ODAD4: variants seen among roughly 807,000 people sequenced by gnomAD.
ODAD4 encodes outer dynein arm-docking complex subunit 4.
ODAD4 carries 49 observed loss-of-function variants against 51.8 expected under a neutral mutation model. The ratio of observed to expected loss-of-function variants is 0.95; its 90% CI spans 0.75 to 1.20. ODAD4 has a LOEUF of 1.20. ODAD4 is among the 50% of genes most tolerant of loss of function. The probability of loss-of-function intolerance (pLI) is 0.00; values close to 1 mark genes in which losing one functional copy is unlikely to be tolerated. For synonymous variants in ODAD4, 235 were observed against 221.3 expected, an observed-to-expected ratio of 1.06 and a Z score of -0.55; for missense variants, 590 against 586.5, an observed-to-expected ratio of 1.01 and a Z score of -0.06.
At chr17:41,940,824 T>C (rs1198002738) in intron 7 of ODAD4, among the ~76,000 whole-genome samples, 10 of 152,238 alleles carry the variant, frequency 6.6e-5, no homozygotes, top group African/African-American at 2.4e-4. Flanking sequence ...GCCTCAGACC[T>C]GTGTGTCCAG....
At chr17:41,936,029 G>C (rs893108541) in intron 3 of ODAD4, among the ~76,000 whole-genome samples, 2 of 152,212 alleles carry the variant, frequency 1.3e-5, no homozygotes, top group African/African-American at 4.8e-5. Flanking sequence ...TTCAAAGTAG[G>C]CCTGTCTTTA....
chr17:41,955,349 T>C (rs1555640860), intron 10 of ODAD4, 32 bp downstream of exon 10: 1 of 754,202 alleles, frequency 1.3e-6, no homozygotes, highest in Non-Finnish European at 2.5e-6. Flanking sequence ...GCTTCGGGTG[T>C]CAGGAGTGGG....
intron 1 of ODAD4, among the ~76,000 whole-genome samples, chr17:41,933,675 G>A (rs2050381564): frequency 6.6e-6 from 1 of 151,886 alleles, no homozygotes; most frequent in Admixed American, 6.6e-5. Flanking sequence ...TTAGCCAGGT[G>A]TGGTGGCGGG....
At chr17:41,958,403 G>A (rs1555641270) in intron 10 of ODAD4, among the ~76,000 whole-genome samples, 2 of 152,066 alleles carry the variant, frequency 1.3e-5, no homozygotes, top group Non-Finnish European at 2.9e-5. Context: ...GCTCATGCCT[G>A]TAATCCCAGC....
At chr17:41,956,886 T>C (rs1273308974) in intron 10 of ODAD4, among the ~76,000 whole-genome samples, 1 of 152,144 alleles carries the variant, frequency 6.6e-6, no homozygotes, top group East Asian at 1.9e-4. Flanking sequence ...CCTAGCCTTA[T>C]TTTCTTATTT....
intron 2 of ODAD4, 83 bp downstream of exon 2, chr17:41,935,431 G>A (rs2050411437): frequency 6.4e-7 from 1 of 1,558,136 alleles, no homozygotes; most frequent in Admixed American, 1.9e-5. Context: ...AGTAGAACCA[G>A]CCAGACTGCC....
chr17:41,945,106 T>C, intron 7 of ODAD4, 30 bp from the exon 8 acceptor site: 1 of 1,577,108 alleles, frequency 6.3e-7, no homozygotes. Context: ...TGATTTCTAG[T>C]GAATGGCTTG....
At chr17:41,945,033 A>G in intron 7 of ODAD4, 103 bp from the exon 8 acceptor site, 2 of 874,862 alleles carry the variant, frequency 2.3e-6, no homozygotes, top group Non-Finnish European at 3.6e-6. Flanking sequence ...TGAAACCCTG[A>G]GTTTCTGAGG....
Position 41,965,200 on chromosome 17 carries a change from G to C in ODAD4, c.1736G>C (p.Gly579Ala), listed in dbSNP as rs1555642403. 1.3e-6 allele frequency: 1 copy of C among 774,052 alleles called. No individual in the cohort carries two copies. The highest frequency in any genetic ancestry group is 2.4e-6 in the Non-Finnish European group (1 of 414,830). 47.9% of individuals were successfully genotyped at this position (774,052 alleles called of 1,614,324 possible). Residue 579 changes from glycine to alanine, a missense_variant, in exon 12 of 12, where the codon GGA becomes GCA. Coordinates refer to ENST00000377540, the MANE Select transcript of ODAD4 (RefSeq NM_031421.5). ...VEAGKARSDL[G>A]AVAKGLSGEL... ...GCAGGAAAAGCCAGAAGCGATTTGG[G>C]AGCAGTTGCCAAGGGCCTGTCAGGA...
At chr17:41,943,894 G>A (rs1555639043) in intron 7 of ODAD4, among the ~76,000 whole-genome samples, 1 of 152,076 alleles carries the variant, frequency 6.6e-6, no homozygotes, top group African/African-American at 2.4e-5. Context: ...TGGAGGCCAG[G>A]GGTTTGAGAC....
intron 11 of ODAD4, among the ~76,000 whole-genome samples, chr17:41,962,181 G>A (rs1444904080): frequency 6.6e-6 from 1 of 152,134 alleles, no homozygotes; most frequent in Non-Finnish European, 1.5e-5. Flanking sequence ...TGGGGGGAAA[G>A]GGAGGCTGAG....
chr17:41,949,911 T>C (rs2050631541), intron 9 of ODAD4, among the ~76,000 whole-genome samples: 1 of 151,986 alleles, frequency 6.6e-6, no homozygotes, highest in Non-Finnish European at 1.5e-5. Context: ...TGACCTCAGG[T>C]GATCCAAACG....
Position 41,945,137 on chromosome 17 carries a change from G to T in ODAD4, c.1060G>T (p.Asp354Tyr), listed in dbSNP as rs544208156. Reference protein sequence around the residue: ...RKDLEIAKEYDLPDAKSRALD... With the variant: ...RKDLEIAKEYYLPDAKSRALD... ...GCTTGTTTTGCTTCTTCCCCACAGT[G>T]ACCTTCCTGATGCAAAATCGAGAGC... The change falls in exon 8 of 12, where the codon GAC (aspartate) becomes TAC (tyrosine). Residue 354 changes from aspartate (D) to tyrosine (Y), a missense_variant and splice_region_variant. Transcript: ENST00000377540. 2 of 1,612,472 alleles carry T rather than the reference G, an allele frequency of 1.2e-6. No individual in the cohort carries two copies. Among genetic ancestry groups the T allele is most frequent in the Non-Finnish European group, 8.5e-7 (1 of 1,179,324 alleles).
At chr17:41,932,275 G>T (rs1555637027) in intron 1 of ODAD4, among the ~76,000 whole-genome samples, 2 of 152,144 alleles carry the variant, frequency 1.3e-5, no homozygotes, top group Non-Finnish European at 2.9e-5. Flanking sequence ...CTCCATGTTG[G>T]TCAGGTTGAT....
At position 41,935,624 on chromosome 17, in the gene ODAD4, T is replaced by C. The variant is rs367818261; in HGVS notation, c.272T>C (p.Leu91Pro). 36 of 1,613,134 alleles carry C rather than the reference T, an allele frequency of 2.2e-5. No homozygotes were observed. Among genetic ancestry groups the C allele is most frequent in the Non-Finnish European group, 2.8e-5 (33 of 1,179,520 alleles). Residue 91 changes from leucine (L) to proline (P), a missense_variant, in exon 3 of 12, where the codon CTG becomes CCG. Physicochemically the swap from Leu to Pro is moderately conservative, Grantham distance 98 (BLOSUM62 -3). Transcript: ENST00000377540. Reference sequence around the variant, plus strand: ...GGGATTTTGCAAAAGGCTGAGACACTGTACACCATGGGAGACTTTGAGTTT... The same window carrying C: ...GGGATTTTGCAAAAGGCTGAGACACCGTACACCATGGGAGACTTTGAGTTT... ...CKGILQKAET[L>P]YTMGDFEFAL...
intron 9 of ODAD4, among the ~76,000 whole-genome samples, chr17:41,949,925 C>T (rs878929846): frequency 0.67 from 101,654 of 151,784 alleles, 35,460 homozygotes; most frequent in East Asian, 0.83. Context: ...CCAAACGCCT[C>T]GGCCTCCCAA....
intron 10 of ODAD4, among the ~76,000 whole-genome samples, chr17:41,961,007 C>T (rs1019211238): frequency 1.3e-5 from 2 of 152,174 alleles, no homozygotes; most frequent in Non-Finnish European, 2.9e-5. Flanking sequence ...GTTTCTGGGT[C>T]TTTTCAGTGC....
chr17:41,941,097 C>T (rs1355907267), intron 7 of ODAD4, among the ~76,000 whole-genome samples: 1 of 152,186 alleles, frequency 6.6e-6, no homozygotes, highest in Non-Finnish European at 1.5e-5. Flanking sequence ...ACTGTTCATG[C>T]CCAGCAATGG....
chr17:41,949,599 G>A (rs1428894480), intron 9 of ODAD4, among the ~76,000 whole-genome samples: 3 of 152,162 alleles, frequency 2.0e-5, no homozygotes, highest in Non-Finnish European at 4.4e-5. Context: ...GACCCACACA[G>A]CATCGTGTCA....
Sources: allele counts gnomAD v4.1 joint callset (sites outside exome capture counted in the v4.1 genomes callset), GRCh38; gene constraint gnomAD v4.1.1; transcripts MANE v1.5; gene names NCBI Gene and HGNC (gene_info 2026-07-23, HGNC 2026-07-21).